The following ALG1 variants were observed in gnomAD, a reference collection of about 807,000 sequenced individuals.
ALG1 encodes the protein chitobiosyldiphosphodolichol beta-mannosyltransferase.
ALG1 carries 58 observed loss-of-function variants against 55.1 expected under a neutral mutation model. The ratio of observed to expected loss-of-function variants is 1.05; its 90% CI spans 0.85 to 1.31. The LOEUF is 1.31. ALG1 is among the 50% of genes most tolerant of loss of function. ALG1 has a pLI of 0.00. For synonymous variants in ALG1, 309 were observed against 247.0 expected (o/e 1.25, Z -2.35); for missense variants, 761 against 598.6 (o/e 1.27, Z -2.83).
intron 9 of ALG1, among the ~76,000 whole-genome samples, chr16:5,080,653 C>T (rs1596259250): frequency 6.6e-6 from 1 of 152,204 alleles, no homozygotes; most frequent in South Asian, 2.1e-4. Context: ...AAGGCTGGGT[C>T]CACCCAGTGG....
At chr16:5,074,762 T>G (rs569323958) in intron 3 of ALG1, among the ~76,000 whole-genome samples, 1 of 152,224 alleles carries the variant, frequency 6.6e-6, no homozygotes, top group African/African-American at 2.4e-5. Flanking sequence ...TCCCCCATGC[T>G]TACCATCACC....
chr16:5,077,383 C>T, intron 4 of ALG1, 62 bp from the exon 5 acceptor site: 1 of 1,402,440 alleles, frequency 7.1e-7, no homozygotes, highest in Non-Finnish European at 1.0e-6. Flanking sequence ...GATGTCGAGT[C>T]ACGCTGTGGT....
At chr16:5,078,428 A>G (rs1014965740) in intron 6 of ALG1, 3 of 600,746 alleles carry the variant, frequency 5.0e-6, no homozygotes, top group South Asian at 1.5e-5. Context: ...GTGCAGGTCT[A>G]CGCACCCTGA....
chr16:5,085,949 C>G lies in ALG1; in HGVS notation c.*1068C>G, dbSNP rs1370974467. Among the ~76,000 whole-genome samples, 3 of 152,188 alleles carry G rather than the reference C, an allele frequency of 2.0e-5. No individual in the cohort carries two copies. The highest frequency in any genetic ancestry group is 4.4e-5 in the Non-Finnish European group (3 of 68,048). On this transcript the variant is annotated 3_prime_UTR_variant, in exon 13 of 13. Transcript: ENST00000262374. ...CATAGAAATGGCTAGCAGCAGGCAC[C>G]GTGCCGCTGTCCACTCTCTGCCTGT...
chr16:5,079,515 C>G (rs111443238), intron 8 of ALG1, among the ~76,000 whole-genome samples: 7 of 152,256 alleles, frequency 4.6e-5, no homozygotes, highest in African/African-American at 1.7e-4. Flanking sequence ...CAGGGCGAAA[C>G]CTGTCTCTAC....
rs78694906 is a variant in ALG1 at position 5,071,909 on chromosome 16, G to A, written c.60G>A (p.Leu20=). 8.9e-5 allele frequency: 142 copies of A among 1,599,086 alleles called. No homozygotes were observed. The African/African-American group carries it at 1.8e-3, about 20-fold the overall frequency. The part of the protein sequence containing the change: ...ALCLLLPLLL[L]GGWKRWRRGR... ...GTCTGCTGCTGCCGCTGCTGCTGCT[G>A]GGAGGATGGAAGCGCTGGCGCCGGG... The change falls in exon 1 of 13, where the codon CTG becomes CTA. Residue 20 remains leucine (L), a synonymous_variant. Coordinates refer to ENST00000262374, the MANE Select transcript of ALG1 (RefSeq NM_019109.5).
chr16:5,081,089 CG>C (rs766356983), intron 10 of ALG1, 33 bp downstream of exon 10: 6 of 281,384 alleles, frequency 2.1e-5, no homozygotes, highest in African/African-American at 3.5e-5. Context: ...AGGGAGGAGG[CG>C]GGGGGAACAG....
chr16:5,077,607 T>C, intron 5 of ALG1, 73 bp downstream of exon 5: 2 of 1,438,732 alleles, frequency 1.4e-6, no homozygotes, highest in South Asian at 1.1e-5. Context: ...AGAGCTGCCT[T>C]GCCTGCTGCC....
intron 1 of ALG1, 43 bp downstream of exon 1, chr16:5,072,100 G>C: frequency 4.5e-6 from 7 of 1,551,280 alleles, no homozygotes; most frequent in South Asian, 2.4e-5. Flanking sequence ...TCTCTCAGCC[G>C]TTGATCCTCG....
chr16:5,082,260 C>G (rs1045547539), intron 10 of ALG1, among the ~76,000 whole-genome samples: 1 of 152,172 alleles, frequency 6.6e-6, no homozygotes, highest in African/African-American at 2.4e-5. Flanking sequence ...TTGCAGTGAG[C>G]TGAGATTGTG....
At position 5,082,599 on chromosome 16, in the gene ALG1, T is replaced by C; in HGVS notation, c.1113T>C (p.Ser371=). 9.3e-6 allele frequency: 15 copies of C among 1,612,046 alleles called. No homozygotes were observed. Among genetic ancestry groups the C allele is most frequent in the Non-Finnish European group, 1.3e-5 (15 of 1,179,856 alleles). Residue 371 remains serine, a synonymous_variant, in exon 11 of 13, where the codon AGT becomes AGC. Coordinates refer to ENST00000262374, the MANE Select transcript of ALG1 (RefSeq NM_019109.5). ...GTGTCTGTCTGCACACGTCCTCCAG[T>C]GGCCTGGACCTGCCCATGAAGGTGG... is the stretch of plus-strand genomic sequence containing the variant. The part of the protein sequence containing the change: ...DLGVCLHTSS[S]GLDLPMKVVD...
intron 1 of ALG1, among the ~76,000 whole-genome samples, chr16:5,072,717 C>G (rs1956838979): frequency 6.6e-6 from 1 of 152,120 alleles, no homozygotes; most frequent in South Asian, 2.1e-4. Context: ...TACTGTTTGC[C>G]AGGCATCATG....
chr16:5,076,107 C>T (rs143757375), intron 4 of ALG1, among the ~76,000 whole-genome samples: 1 of 152,192 alleles, frequency 6.6e-6, no homozygotes, highest in African/African-American at 2.4e-5. Context: ...GGAAGAAGGG[C>T]CAGTGGTAGC....
At chr16:5,078,959 T>C (rs1177168696) in intron 7 of ALG1, 81 bp downstream of exon 7, 7 of 1,595,734 alleles carry the variant, frequency 4.4e-6, no homozygotes, top group Middle Eastern at 2.3e-4. Context: ...CTGCCAGTCC[T>C]GCATGCTCCC....
intron 3 of ALG1, among the ~76,000 whole-genome samples, chr16:5,074,001 C>A (rs1029852598): frequency 1.3e-5 from 2 of 152,230 alleles, no homozygotes; most frequent in Admixed American, 1.3e-4. Context: ...AGGCGTGCGC[C>A]ACCGCGCCTG....
rs1957159170 is a variant in ALG1, at chr16:5,086,208, G to T, written c.*1327G>T. 6.6e-6 allele frequency among the ~76,000 whole-genome samples: 1 copy of T among 152,074 alleles called. No individual in the cohort carries two copies. Among genetic ancestry groups the T allele is most frequent in the African/African-American group, 2.4e-5 (1 of 41,448 alleles). On this transcript the variant is annotated 3_prime_UTR_variant, in exon 13 of 13. Transcript: ENST00000262374. ...AAATTAGCCAGGCATGATGGCGAGT[G>T]CCTGTAATCCCAGCTACTTGGGAGG...
At position 5,078,176 on chromosome 16, in the gene ALG1, A is replaced by G. The variant is rs1022429789; in HGVS notation, c.740+159A>G. 1.3e-4 allele frequency: 111 copies of G among 851,328 alleles called. 1 individual carries two copies. The highest frequency in any genetic ancestry group is 2.0e-4 in the Non-Finnish European group (107 of 523,982). 52.7% of individuals were successfully genotyped at this position (851,328 alleles called of 1,614,324 possible). On this transcript the variant is annotated intron_variant, in intron 6 of 12. Transcript: ENST00000262374. ...GTAAATCAAGTTTCACTGGGACACAACACACTCATTGCCTTCTGAGTTGTC... is the reference window on the plus strand; with the variant it reads ...GTAAATCAAGTTTCACTGGGACACAGCACACTCATTGCCTTCTGAGTTGTC...
intron 7 of ALG1, 68 bp downstream of exon 7, chr16:5,078,946 C>T (rs1173521908): frequency 1.3e-6 from 2 of 1,598,462 alleles, no homozygotes; most frequent in Non-Finnish European, 1.7e-6. Context: ...GTTCTCCTCA[C>T]CCCTGCCAGT....
At chr16:5,078,606 G>A (rs1198826915) in intron 6 of ALG1, 151 bp from the exon 7 acceptor site, 2 of 1,349,864 alleles carry the variant, frequency 1.5e-6, no homozygotes, top group Non-Finnish European at 2.1e-6. Flanking sequence ...GCAAGCCCAG[G>A]CCTCAGATGG....
Sources: allele counts gnomAD v4.1 joint callset (sites outside exome capture counted in the v4.1 genomes callset), GRCh38; gene constraint gnomAD v4.1.1; transcripts MANE v1.5; gene names NCBI Gene and HGNC (gene_info 2026-07-23, HGNC 2026-07-21).